The following OVOL2 variants were observed in gnomAD, a reference collection of about 807,000 sequenced individuals.
OVOL2 encodes the protein transcription factor Ovo-like 2.
A neutral mutation model predicts 18.1 loss-of-function variants in OVOL2; 13 were observed. The observed-to-expected ratio is 0.72, with a 90% CI of 0.47 to 1.14. OVOL2 has a LOEUF of 1.14. Ranked by LOEUF, OVOL2 falls within the 50% of genes most tolerant of loss-of-function variation. The pLI is 0.00. For missense variants in OVOL2, 335 were observed against 383.0 expected (o/e 0.87, Z 1.05); for synonymous variants, 166 against 162.7 (o/e 1.02, Z -0.16).
chr20:18,041,688 G>A lies in OVOL2; in HGVS notation c.357C>T (p.His119=), dbSNP rs1438142526. ...AGCCCTTGCCACACAGGTCACAGCT[G>A]TGAACCACCGAGTCGCTGCACGTGC... ...TTGTCSDSVV[H]SCDLCGKGFR... is the part of the protein sequence containing the mutation. Residue 119 remains histidine (H), a synonymous_variant, in exon 3 of 4, where the codon CAC becomes CAT. Coordinates refer to ENST00000278780, the MANE Select transcript of OVOL2 (RefSeq NM_021220.4). 6 of 1,613,754 alleles carry A rather than the reference G, an allele frequency of 3.7e-6. No individual in the cohort carries two copies. In the South Asian group the frequency reaches 6.6e-5, roughly 18 times the overall value.
At chr20:18,046,007 C>T (rs1417774222) in intron 2 of OVOL2, among the ~76,000 whole-genome samples, 2 of 152,148 alleles carry the variant, frequency 1.3e-5, no homozygotes, top group Admixed American at 6.5e-5. Context: ...CTGTGGCACA[C>T]CCTCCAATCC....
chr20:18,054,858 T>C (rs1040496876), intron 2 of OVOL2, among the ~76,000 whole-genome samples: 4 of 152,194 alleles, frequency 2.6e-5, no homozygotes, highest in Non-Finnish European at 5.9e-5. Context: ...GAAAGAACTT[T>C]ATAATTATAC....
chr20:18,049,416 G>A (rs1321732991), intron 2 of OVOL2, among the ~76,000 whole-genome samples: 7 of 152,140 alleles, frequency 4.6e-5, no homozygotes, highest in African/African-American at 1.4e-4. Context: ...TTTAGTTAAT[G>A]GTCTATGGGA....
chr20:18,052,357 A>C (rs1209910721), intron 2 of OVOL2, among the ~76,000 whole-genome samples: 1 of 151,750 alleles, frequency 6.6e-6, no homozygotes, highest in Non-Finnish European at 1.5e-5. Flanking sequence ...TTTATGAGAC[A>C]ATTAGTAATG....
chr20:18,053,316 T>C (rs2122726067), intron 2 of OVOL2, among the ~76,000 whole-genome samples: 1 of 152,310 alleles, frequency 6.6e-6, no homozygotes, highest in East Asian at 1.9e-4. Context: ...TATGCAACTC[T>C]TCTAGGAGGC....
Position 18,056,390 on chromosome 20 carries a change from G to A in OVOL2, c.321+267C>T, listed in dbSNP as rs945306603. 1.3e-5 allele frequency among the ~76,000 whole-genome samples: 2 copies of A among 152,186 alleles called. No homozygotes were observed. Among genetic ancestry groups the A allele is most frequent in the African/African-American group, 4.8e-5 (2 of 41,470 alleles). ...TGCCTTTTCGGCAGTTCCAGAGGCA[G>A]CACTCGGCATCAGGCGGGGCCACCG... is the stretch of plus-strand genomic sequence containing the variant. On this transcript the variant is annotated intron_variant, in intron 2 of 3. Coordinates refer to ENST00000278780, the MANE Select transcript of OVOL2 (RefSeq NM_021220.4). The surrounding 1 kb of genome is among the most constrained non-coding windows in gnomAD (Gnocchi z 4.2).
intron 3 of OVOL2, among the ~76,000 whole-genome samples, chr20:18,026,167 T>C (rs575181351): frequency 8.5e-5 from 13 of 152,310 alleles, no homozygotes; most frequent in Middle Eastern, 3.4e-3. Flanking sequence ...CCTACCTCCA[T>C]GATTGGTACT....
At chr20:18,044,897 G>C (rs1261007835) in intron 2 of OVOL2, among the ~76,000 whole-genome samples, 3 of 152,160 alleles carry the variant, frequency 2.0e-5, no homozygotes, top group Non-Finnish European at 2.9e-5. Context: ...GAGCCTGGGA[G>C]AGCAGTTAAT....
intron 2 of OVOL2, among the ~76,000 whole-genome samples, chr20:18,054,774 A>AC (rs2036802284): frequency 2.1e-5 from 3 of 142,952 alleles, no homozygotes; most frequent in Non-Finnish European, 4.5e-5. Context: ...CTCAAAAAAA[A>AC]AAAAAAAAGA....
At chr20:18,055,088 C>CCCCCCTT (rs1483432482) in intron 2 of OVOL2, among the ~76,000 whole-genome samples, 2 of 152,182 alleles carry the variant, frequency 1.3e-5, no homozygotes, top group Non-Finnish European at 2.9e-5. Flanking sequence ...GTGCCTCCCG[C>CCCCCCTT]CCCCCTTCCC....
chr20:18,056,203 G>C lies in OVOL2; in HGVS notation c.321+454C>G, dbSNP rs1237293584. The stretch of plus-strand genomic sequence containing the variant: ...GCCCAGGTCCAGAACATAAGCATGG[G>C]GGGTGAACTCTCAGAATCGCGGCGC... On this transcript the variant is annotated intron_variant, in intron 2 of 3. Transcript: ENST00000278780. The surrounding 1 kb of genome is among the most constrained non-coding windows in gnomAD (Gnocchi z 4.2). Among the ~76,000 whole-genome samples, 1 of 152,224 alleles carries C rather than the reference G, an allele frequency of 6.6e-6. No homozygotes were observed. The highest frequency in any genetic ancestry group is 6.5e-5 in the Admixed American group (1 of 15,288).
chr20:18,053,810 C>G (rs2036792318), intron 2 of OVOL2, among the ~76,000 whole-genome samples: 1 of 152,152 alleles, frequency 6.6e-6, no homozygotes, highest in Non-Finnish European at 1.5e-5. Flanking sequence ...TTGGCCCCTT[C>G]ACCATCTCAC....
At position 18,057,712 on chromosome 20, in the gene OVOL2, C is replaced by G; in HGVS notation, c.-78G>C. On this transcript the variant is annotated 5_prime_UTR_variant, in exon 1 of 4. Coordinates refer to ENST00000278780, the MANE Select transcript of OVOL2 (RefSeq NM_021220.4). This position sits in a 1 kb window ranked among gnomAD's most constrained non-coding sequence, Gnocchi z 6.3. ...AGGGGCAACGGCGGCGGCTCCGTCC[C>G]CGGCTCCCGGCGGCCAGAGCCCACC... is the stretch of plus-strand genomic sequence containing the variant. 2.0e-6 allele frequency: 3 copies of G among 1,467,400 alleles called. No homozygotes were observed. Among genetic ancestry groups the G allele is most frequent in the South Asian group, 1.4e-5 (1 of 72,404 alleles). 90.9% of individuals were successfully genotyped at this position (1,467,400 alleles called of 1,614,324 possible).
At chr20:18,036,872 C>T (rs925027376) in intron 3 of OVOL2, among the ~76,000 whole-genome samples, 1 of 152,172 alleles carries the variant, frequency 6.6e-6, no homozygotes, top group African/African-American at 2.4e-5. Context: ...CGCGGTGGCT[C>T]ACGCCTGTAA....
At chr20:18,042,775 C>CAAAAAA (rs141784334) in intron 2 of OVOL2, among the ~76,000 whole-genome samples, 3 of 93,542 alleles carry the variant, frequency 3.2e-5, no homozygotes, top group East Asian at 7.3e-4. Flanking sequence ...AACTCCGTCT[C>CAAAAAA]AAAAAAAAAA....
At chr20:18,052,187 G>A (rs1159778224) in intron 2 of OVOL2, among the ~76,000 whole-genome samples, 1 of 152,192 alleles carries the variant, frequency 6.6e-6, no homozygotes, top group Non-Finnish European at 1.5e-5. Context: ...AATCCAGACT[G>A]TTGGGGACTC....
chr20:18,048,777 C>T (rs570145312), intron 2 of OVOL2, among the ~76,000 whole-genome samples: 14 of 152,228 alleles, frequency 9.2e-5, no homozygotes, highest in African/African-American at 3.4e-4. Context: ...TCCTATCTCC[C>T]GTGACAGTGA....
intron 2 of OVOL2, among the ~76,000 whole-genome samples, chr20:18,044,241 G>A (rs1286542145): frequency 6.6e-6 from 1 of 152,182 alleles, no homozygotes; most frequent in East Asian, 1.9e-4. Flanking sequence ...TGCAGCTGAT[G>A]CACACGCCAC....
At position 18,057,641 on chromosome 20, in the gene OVOL2, G is replaced by C. The variant is rs1344636528; in HGVS notation, c.-7C>G. The C allele has an allele frequency of 7.0e-6, 11 of 1,569,878 alleles. No individual in the cohort carries two copies. Among genetic ancestry groups the C allele is most frequent in the Non-Finnish European group, 9.5e-6 (11 of 1,157,368 alleles). The stretch of plus-strand genomic sequence containing the variant: ...CCAGGAAGACTTTGGGCATGGTGGG[G>C]TCCCCTCTCCCGACTGCGGCCCCCT... On this transcript the variant is annotated 5_prime_UTR_variant, in exon 1 of 4. Coordinates refer to ENST00000278780, the MANE Select transcript of OVOL2 (RefSeq NM_021220.4). This position sits in a 1 kb window ranked among gnomAD's most constrained non-coding sequence, Gnocchi z 6.3.
Sources: allele counts gnomAD v4.1 joint callset (sites outside exome capture counted in the v4.1 genomes callset), GRCh38; gene constraint gnomAD v4.1.1; non-coding constraint Gnocchi (gnomAD v3.1); transcripts MANE v1.5; gene names NCBI Gene and HGNC (gene_info 2026-07-23, HGNC 2026-07-21).